NDRG1: variants seen among roughly 807,000 people sequenced by gnomAD.
NDRG1 encodes the protein N-myc downstream regulated 1.
Under a neutral mutation model 56.9 loss-of-function variants are expected in NDRG1, and 32 were observed. The observed-to-expected ratio is 0.56, with a 90% CI of 0.42 to 0.76. The LOEUF is 0.76. Ranked by LOEUF, NDRG1 falls within the 30% of genes least tolerant of loss-of-function variation. The probability of loss-of-function intolerance (pLI) is 0.00; values close to 1 mark genes in which losing one functional copy is unlikely to be tolerated. For missense variants in NDRG1, 507 were observed against 545.7 expected, an observed-to-expected ratio of 0.93 and a Z score of 0.71; for synonymous variants, 211 against 204.1, an observed-to-expected ratio of 1.03 and a Z score of -0.29.
intron 2 of NDRG1, among the ~76,000 whole-genome samples, chr8:133,282,230 C>T (rs905147176): frequency 1.3e-5 from 2 of 152,196 alleles, no homozygotes; most frequent in African/African-American, 4.8e-5. Flanking sequence ...CCCAGCGATG[C>T]CACTTCTGAG....
At chr8:133,254,630 G>C in intron 8 of NDRG1, 35 bp from the exon 9 acceptor site, 1 of 1,608,738 alleles carries the variant, frequency 6.2e-7, no homozygotes, top group Middle Eastern at 1.7e-4. Context: ...TGAGAAACCA[G>C]GAGCTAACAG....
intron 1 of NDRG1, chr8:133,296,533 GACTGAAGCGCC>G (rs1463327852): frequency 8.8e-6 from 4 of 455,612 alleles, no homozygotes; most frequent in Non-Finnish European, 1.8e-5. Flanking sequence ...TGTGCTACGG[GACTGAAGCGCC>G]ACCAGCCTCT....
chr8:133,282,771 A>C (rs769381303), intron 2 of NDRG1, among the ~76,000 whole-genome samples: 6 of 152,256 alleles, frequency 3.9e-5, no homozygotes, highest in Non-Finnish European at 8.8e-5. Flanking sequence ...GTTGCAACAG[A>C]GGTCATGTGG....
rs2227262 is a variant in NDRG1, at chr8:133,247,931, G to A, written c.756-5C>T. The A allele has an allele frequency of 0.15, 236,431 of 1,613,166 alleles. 18,280 individuals are homozygous for A. Among genetic ancestry groups the A allele is most frequent in the South Asian group, 0.19 (17,193 of 91,054 alleles). On this transcript the variant is annotated splice_region_variant and splice_polypyrimidine_tract_variant and intron_variant, in intron 11 of 15. Coordinates refer to ENST00000323851, the MANE Select transcript of NDRG1 (RefSeq NM_006096.4). ...ACCACCAACAGAGCAGGGCACCTGG[G>A]GTCAGGGATAGAGCAGAGAATTAGC...
In NDRG1 at chr8:133,238,982, G is replaced by T; in HGVS notation, c.1081C>A (p.Arg361Ser). ...CCCTCGCTGGTGTGCGAGCGGCTGCGGGTGCCCTCGCTGGTGTGGGAGCGG... is the reference window on the plus strand; with the variant it reads ...CCCTCGCTGGTGTGCGAGCGGCTGCTGGTGCCCTCGCTGGTGTGGGAGCGG... ...RSRSHTSEGTRSRSHTSEGAH... is the reference protein window; with the variant it reads ...RSRSHTSEGTSSRSHTSEGAH... The change falls in exon 16 of 16, where the codon CGC becomes AGC. Residue 361 changes from arginine (R) to serine (S), a missense_variant. By Grantham distance (110) the Arg-to-Ser change is moderately radical (BLOSUM62 -1). Transcript: ENST00000323851. 1 of 1,591,704 alleles carries T rather than the reference G, an allele frequency of 6.3e-7. No individual in the cohort carries two copies. The highest frequency in any genetic ancestry group is 2.3e-5 in the East Asian group (1 of 44,054).
chr8:133,292,442 G>C (rs1284985685), intron 1 of NDRG1, among the ~76,000 whole-genome samples: 1 of 152,188 alleles, frequency 6.6e-6, no homozygotes, highest in African/African-American at 2.4e-5. Context: ...ACTAAGGACA[G>C]GCTCTCAGGT....
At chr8:133,243,857 C>G (rs1170632591) in intron 14 of NDRG1, among the ~76,000 whole-genome samples, 1 of 152,156 alleles carries the variant, frequency 6.6e-6, no homozygotes, top group Non-Finnish European at 1.5e-5. Flanking sequence ...GGATCAGTTA[C>G]GTAGCAAACA....
intron 3 of NDRG1, among the ~76,000 whole-genome samples, chr8:133,267,254 C>T (rs1348865652): frequency 6.6e-6 from 1 of 152,194 alleles, no homozygotes; most frequent in Admixed American, 6.5e-5. Flanking sequence ...CCTGGGTTTC[C>T]GCCCTCCTCA....
intron 5 of NDRG1, among the ~76,000 whole-genome samples, chr8:133,260,621 A>C (rs1247489502): frequency 6.6e-6 from 1 of 152,052 alleles, no homozygotes; most frequent in Non-Finnish European, 1.5e-5. Flanking sequence ...TTACGGACAC[A>C]CCTCTGGCTT....
intron 3 of NDRG1, 28 bp downstream of exon 3, chr8:133,280,204 G>T: frequency 6.2e-7 from 1 of 1,613,140 alleles, no homozygotes. Context: ...GATGAGGAAG[G>T]GGAAGGAAAG....
intron 7 of NDRG1, among the ~76,000 whole-genome samples, chr8:133,257,699 T>C (rs1856454592): frequency 6.6e-6 from 1 of 152,228 alleles, no homozygotes; most frequent in Non-Finnish European, 1.5e-5. Context: ...GATATAGATA[T>C]GTACACCTGG....
Position 133,271,972 on chromosome 8 carries a change from A to G in NDRG1, c.100-7320T>C, listed in dbSNP as rs186363405. On this transcript the variant is annotated intron_variant, in intron 3 of 15. Transcript: ENST00000323851. Reference sequence around the variant, plus strand: ...GCCATTGAACAGCCTTTGGGGCTGAAGTATAGGTGCCCAATGAGATAACAG... The same window carrying G: ...GCCATTGAACAGCCTTTGGGGCTGAGGTATAGGTGCCCAATGAGATAACAG... Among the ~76,000 whole-genome samples the G allele has an allele frequency of 2.6e-5, 4 of 152,250 alleles. No homozygotes were observed. The East Asian group carries it at 7.7e-4, about 29-fold the overall frequency.
chr8:133,261,069 T>C (rs771333534), intron 5 of NDRG1, among the ~76,000 whole-genome samples: 1 of 152,186 alleles, frequency 6.6e-6, no homozygotes, highest in Non-Finnish European at 1.5e-5. Context: ...TCTCAGTAGA[T>C]AGGATCAAAG....
chr8:133,275,847 CG>C (rs1170599579), intron 3 of NDRG1, among the ~76,000 whole-genome samples: 1 of 152,186 alleles, frequency 6.6e-6, no homozygotes, highest in Non-Finnish European at 1.5e-5. Flanking sequence ...ACAGGATCGC[CG>C]TAAGCACACG....
At chr8:133,256,718 G>A in intron 8 of NDRG1, 59 bp downstream of exon 8, 1 of 1,526,722 alleles carries the variant, frequency 6.5e-7, no homozygotes, top group Non-Finnish European at 9.0e-7. Context: ...GGCAGAGGCT[G>A]TGTGCACCTG....
intron 8 of NDRG1, chr8:133,255,430 G>A: frequency 2.2e-6 from 1 of 456,146 alleles, no homozygotes; most frequent in Middle Eastern, 3.3e-4. Flanking sequence ...GAATAGTACA[G>A]CTATTAAAGC....
chr8:133,237,220 C>T lies in NDRG1; in HGVS notation c.*1658G>A. On this transcript the variant is annotated 3_prime_UTR_variant, in exon 16 of 16. Coordinates refer to ENST00000323851, the MANE Select transcript of NDRG1 (RefSeq NM_006096.4). ...GGTCTGGAAATAAATACAAATATCTCATTAAGAAACTCCTCTGGAAAGACT... is the reference window on the plus strand; with the variant it reads ...GGTCTGGAAATAAATACAAATATCTTATTAAGAAACTCCTCTGGAAAGACT... 4.5e-6 allele frequency: 1 copy of T among 223,276 alleles called. No individual in the cohort carries two copies. The highest frequency in any genetic ancestry group is 8.9e-6 in the Non-Finnish European group (1 of 111,832). 13.8% of individuals were successfully genotyped at this position (223,276 alleles called of 1,614,324 possible).
At chr8:133,244,288 G>T (rs907816607) in intron 14 of NDRG1, 67 bp downstream of exon 14, 16 of 1,573,134 alleles carry the variant, frequency 1.0e-5, no homozygotes, top group Non-Finnish European at 1.4e-5. Context: ...AGGTGTCACA[G>T]AGGCACATGC....
intron 12 of NDRG1, among the ~76,000 whole-genome samples, 172 bp from the exon 13 acceptor site, chr8:133,246,835 T>A (rs1437131414): frequency 6.6e-6 from 1 of 152,230 alleles, no homozygotes; most frequent in African/African-American, 2.4e-5. Flanking sequence ...AATCCCAGCC[T>A]TGCCATTACC....
Sources: allele counts gnomAD v4.1 joint callset (sites outside exome capture counted in the v4.1 genomes callset), GRCh38; gene constraint gnomAD v4.1.1; transcripts MANE v1.5; gene names NCBI Gene and HGNC (gene_info 2026-07-23, HGNC 2026-07-21).